The following SDC1 variants were observed in gnomAD, a reference collection of about 807,000 sequenced individuals.
SDC1 encodes syndecan-1.
Under a neutral mutation model 29.7 loss-of-function variants are expected in SDC1, and 14 were observed. The ratio of observed to expected loss-of-function variants is 0.47; its 90% CI spans 0.31 to 0.74. The LOEUF (loss-of-function observed/expected upper bound fraction) is 0.74, where lower values mean the gene tolerates loss of function less well. Ranked by LOEUF, SDC1 falls within the 30% of genes least tolerant of loss-of-function variation. SDC1 has a pLI of 0.05. For synonymous variants in SDC1, 204 were observed against 175.5 expected (o/e 1.16, Z -1.29); for missense variants, 406 against 400.3 (o/e 1.01, Z -0.12).
Position 20,204,071 on chromosome 2 carries a change from G to A in SDC1, c.369C>T (p.Pro123=), listed in dbSNP as rs142453676. The A allele has an allele frequency of 5.6e-6, 9 of 1,611,494 alleles. No homozygotes were observed. In the Admixed American group the frequency reaches 8.3e-5, roughly 15 times the overall value. ...GGAGCTGTGTGGTCTCCCTGGGTCG[G>A]GGGGTGGCCTCCTGCTCCCGGGCGG... ...GLTAREQEAT[P]RPRETTQLPT... The change falls in exon 3 of 5, where the codon CCC becomes CCT. Residue 123 remains proline (P), a synonymous_variant. Transcript: ENST00000254351.
At chr2:20,215,870 G>A (rs1018018714) in intron 1 of SDC1, among the ~76,000 whole-genome samples, 1 of 147,862 alleles carries the variant, frequency 6.8e-6, no homozygotes, top group Admixed American at 6.8e-5. Flanking sequence ...GACTAACCAC[G>A]CCAGCTAGTT....
intron 1 of SDC1, among the ~76,000 whole-genome samples, chr2:20,217,198 G>A (rs1161638954): frequency 6.6e-6 from 1 of 152,232 alleles, no homozygotes; most frequent in East Asian, 1.9e-4. Context: ...CCTGTGGGGA[G>A]ACGTGACAGG....
chr2:20,214,809 T>C (rs1203948901), intron 1 of SDC1, among the ~76,000 whole-genome samples: 3 of 152,082 alleles, frequency 2.0e-5, no homozygotes, highest in Non-Finnish European at 4.4e-5. Flanking sequence ...ACAACTGAAT[T>C]AGGCTCTAGG....
intron 1 of SDC1, chr2:20,223,364 C>T: frequency 8.6e-7 from 1 of 1,159,834 alleles, no homozygotes; most frequent in Admixed American, 2.3e-5. Context: ...GCTGCTGAGA[C>T]TTGTCCAGAT....
chr2:20,211,756 T>C (rs982845493), intron 1 of SDC1, among the ~76,000 whole-genome samples: 1 of 152,168 alleles, frequency 6.6e-6, no homozygotes, highest in African/African-American at 2.4e-5. Context: ...GGGGTACCAG[T>C]GGGAGGGCAC....
intron 1 of SDC1, among the ~76,000 whole-genome samples, chr2:20,211,131 C>G (rs1677452188): frequency 2.6e-5 from 4 of 152,170 alleles, no homozygotes. Context: ...TGCATCCAGA[C>G]TGGGGGCTCT....
At chr2:20,210,058 A>T (rs955520173) in intron 1 of SDC1, among the ~76,000 whole-genome samples, 2 of 152,190 alleles carry the variant, frequency 1.3e-5, no homozygotes, top group African/African-American at 4.8e-5. Context: ...AAAAAGCATT[A>T]CTACTAGGCG....
chr2:20,202,245 A>G lies in SDC1; in HGVS notation c.*521T>C, dbSNP rs1192071170. On this transcript the variant is annotated 3_prime_UTR_variant, in exon 5 of 5. Coordinates refer to ENST00000254351, the MANE Select transcript of SDC1 (RefSeq NM_002997.5). Reference sequence around the variant, plus strand: ...GGGCTATGAACAAAGAACTAGAGGAAACATGTGCAAAAACAAGTCGATATC... The same window carrying G: ...GGGCTATGAACAAAGAACTAGAGGAGACATGTGCAAAAACAAGTCGATATC... 2.6e-6 allele frequency: 2 copies of G among 778,722 alleles called. No homozygotes were observed. Among genetic ancestry groups the G allele is most frequent in the South Asian group, 2.7e-5 (2 of 74,284 alleles). The allele number at this position is 778,722 out of a possible 1,614,324, so 48.2% of individuals were successfully genotyped here. A position where few individuals can be genotyped will look rare whatever the true frequency, so the allele number is the denominator to read the frequency against.
In SDC1 at chr2:20,202,895, C is replaced by G. The variant is rs762874602; in HGVS notation, c.804G>C (p.Val268=). 3.2e-5 allele frequency: 51 copies of G among 1,613,532 alleles called. 1 individual carries two copies. The South Asian group carries it at 4.7e-4, about 15-fold the overall frequency. The change falls in exon 5 of 5, where the codon GTG becomes GTC. Residue 268 remains valine, a synonymous_variant. Transcript: ENST00000254351. ...AGGLVGLIFA[V]CLVGFMLYRM... ...GGTACAGCATGAAACCCACCAGGCA[C>G]ACAGCAAAGATGAGCCCCACGAGGC...
chr2:20,206,237 G>A (rs1472013312), intron 1 of SDC1, among the ~76,000 whole-genome samples: 1 of 152,206 alleles, frequency 6.6e-6, no homozygotes, highest in Non-Finnish European at 1.5e-5. Context: ...TGTGGGCCTG[G>A]GACGGGCCCT....
intron 1 of SDC1, among the ~76,000 whole-genome samples, chr2:20,219,208 C>G (rs549773061): frequency 1.5e-4 from 23 of 152,198 alleles, no homozygotes; most frequent in African/African-American, 5.5e-4. Flanking sequence ...AAAAGCAGGA[C>G]ACTTGCCAGG....
In SDC1 at chr2:20,202,181, C is replaced by G; in HGVS notation, c.*585G>C. ...GAAGCAAGATGGGGGGATACCGAATCAACTTACTTAACTTACCTCAGAAGT... is the reference window on the plus strand; with the variant it reads ...GAAGCAAGATGGGGGGATACCGAATGAACTTACTTAACTTACCTCAGAAGT... On this transcript the variant is annotated 3_prime_UTR_variant, in exon 5 of 5. Transcript: ENST00000254351. 1.4e-6 allele frequency: 1 copy of G among 697,084 alleles called. No individual in the cohort carries two copies. The highest frequency in any genetic ancestry group is 1.6e-5 in the South Asian group (1 of 62,972). The allele number at this position is 697,084 out of a possible 1,614,324, so 43.2% of individuals were successfully genotyped here.
rs114653497 is a variant in SDC1, at chr2:20,215,756, C to T, written c.66+9046G>A. On this transcript the variant is annotated intron_variant, in intron 1 of 4. Coordinates refer to ENST00000254351, the MANE Select transcript of SDC1 (RefSeq NM_002997.5). ...GTGAAGAATCGTGCTCACGATGACA[C>T]AGGGAGGAAGCAATGAAGTCCGGAT... is the stretch of plus-strand genomic sequence containing the variant. Among the ~76,000 whole-genome samples the T allele has an allele frequency of 7.4e-3, 1,133 of 152,340 alleles. 18 individuals carry two copies. The highest frequency in any genetic ancestry group is 0.026 in the African/African-American group (1,092 of 41,578).
In SDC1 at chr2:20,225,018, C is replaced by CGGCAGTAGAGAGCG; in HGVS notation, c.-152_-151insCGCTCTCTACTGCC. The stretch of plus-strand genomic sequence containing the variant: ...GCTGCAGGGTCCGCCGGCTGGAGTC[C>CGGCAGTAGAGAGCG]GCTCTCTACTGCCGGATTCCTCTCC... On this transcript the variant is annotated 5_prime_UTR_variant, in exon 1 of 5. Transcript: ENST00000254351. 2.1e-6 allele frequency: 2 copies of CGGCAGTAGAGAGCG among 958,792 alleles called. No homozygotes were observed. The highest frequency in any genetic ancestry group is 2.6e-6 in the Non-Finnish European group (2 of 757,200). 59.4% of individuals were successfully genotyped at this position (958,792 alleles called of 1,614,324 possible).
chr2:20,214,560 C>T (rs945007831), intron 1 of SDC1, among the ~76,000 whole-genome samples: 6 of 152,202 alleles, frequency 3.9e-5, no homozygotes, highest in African/African-American at 1.4e-4. Context: ...CAGCCTCCAA[C>T]CCCCAGCACA....
chr2:20,213,034 C>T (rs564085966), intron 1 of SDC1, among the ~76,000 whole-genome samples: 2 of 152,322 alleles, frequency 1.3e-5, no homozygotes, highest in African/African-American at 2.4e-5. Flanking sequence ...TTTTGCCCTG[C>T]ACCGCACTGC....
chr2:20,202,709 A>G lies in SDC1; in HGVS notation c.*57T>C. ...GGCCAGGGCCTGCAGTTCTTCAAGGAAGAGGCAAGTGGGGGCCTAGTGAGT... is the reference window on the plus strand; with the variant it reads ...GGCCAGGGCCTGCAGTTCTTCAAGGGAGAGGCAAGTGGGGGCCTAGTGAGT... On this transcript the variant is annotated 3_prime_UTR_variant, in exon 5 of 5. Coordinates refer to ENST00000254351, the MANE Select transcript of SDC1 (RefSeq NM_002997.5). 1 of 1,507,468 alleles carries G rather than the reference A, an allele frequency of 6.6e-7. No homozygotes were observed. Among genetic ancestry groups the G allele is most frequent in the Non-Finnish European group, 9.0e-7 (1 of 1,117,218 alleles). 93.4% of individuals were successfully genotyped at this position (1,507,468 alleles called of 1,614,324 possible). A position where few individuals can be genotyped will look rare whatever the true frequency, so the allele number is the denominator to read the frequency against.
chr2:20,202,803 T>C lies in SDC1; in HGVS notation c.896A>G (p.Tyr299Cys), dbSNP rs1173427277. Residue 299 changes from tyrosine to cysteine, a missense_variant, in exon 5 of 5, where the codon TAC becomes TGC. By Grantham distance (194) the Tyr-to-Cys change is radical. Coordinates refer to ENST00000254351, the MANE Select transcript of SDC1 (RefSeq NM_002997.5). ...EEPKQANGGAYQKPTKQEEFY... is the reference protein window; with the variant it reads ...EEPKQANGGACQKPTKQEEFY... The stretch of plus-strand genomic sequence containing the variant: ...TTCCTCCTGTTTGGTGGGCTTCTGG[T>C]AGGCCCCGCCGTTGGCTTGTTTCGG... 1.2e-6 allele frequency: 2 copies of C among 1,612,504 alleles called. No homozygotes were observed. Among genetic ancestry groups the C allele is most frequent in the African/African-American group, 1.3e-5 (1 of 74,878 alleles).
At position 20,202,614 on chromosome 2, in the gene SDC1, C is replaced by G; in HGVS notation, c.*152G>C. On this transcript the variant is annotated 3_prime_UTR_variant, in exon 5 of 5. Transcript: ENST00000254351. ...GAAGCAGAGTGGAGCTCCCAGCACA[C>G]CCCACGACTCCGTGGGCAGGAGCGA... The G allele has an allele frequency of 1.3e-6, 1 of 748,276 alleles. No homozygotes were observed. 46.4% of individuals were successfully genotyped at this position (748,276 alleles called of 1,614,324 possible).
Sources: gnomAD v4.1 joint callset for allele counts (sites outside exome capture counted in the v4.1 genomes callset) on GRCh38, gnomAD v4.1.1 for gene constraint, MANE v1.5 for transcripts, NCBI Gene and HGNC (gene_info 2026-07-23, HGNC 2026-07-21) for gene names.